Variants in CRABP1 observed in about 807,000 individuals in gnomAD.
CRABP1 encodes the protein cellular retinoic acid-binding protein 1.
A neutral mutation model predicts 16.4 loss-of-function variants in CRABP1; 9 were observed. That is an observed-to-expected ratio of 0.55 (90% CI 0.33 to 0.96). The LOEUF (loss-of-function observed/expected upper bound fraction) is 0.96. Ranked by LOEUF, CRABP1 falls within the 40% of genes least tolerant of loss-of-function variation. The probability of loss-of-function intolerance (pLI) is 0.03; values close to 1 mark genes in which losing one functional copy is unlikely to be tolerated. For missense variants in CRABP1, 157 were observed against 186.0 expected, an observed-to-expected ratio of 0.84 and a Z score of 0.91; for synonymous variants, 72 against 70.4, an observed-to-expected ratio of 1.02 and a Z score of -0.11.
At chr15:78,344,766 A>T (rs1218750116) in intron 3 of CRABP1, among the ~76,000 whole-genome samples, 1 of 147,226 alleles carries the variant, frequency 6.8e-6, no homozygotes, top group South Asian at 2.1e-4. Context: ...AAAAAAAAAA[A>T]ATTAGCTGAG....
intron 3 of CRABP1, among the ~76,000 whole-genome samples, 173 bp downstream of exon 3, chr15:78,343,785 T>C (rs1304814960): frequency 2.0e-5 from 3 of 152,164 alleles, no homozygotes; most frequent in Non-Finnish European, 4.4e-5. Flanking sequence ...GAAATCATTG[T>C]TAAATGGTTG....
At chr15:78,345,136 TGCAGTGTGACCTGA>T (rs1007058175) in intron 3 of CRABP1, among the ~76,000 whole-genome samples, 13 of 152,124 alleles carry the variant, frequency 8.5e-5, no homozygotes, top group Non-Finnish European at 1.8e-4. Flanking sequence ...GGAAAGGACT[TGCAGTGTGACCTGA>T]GCATAGGCCT....
intron 2 of CRABP1, among the ~76,000 whole-genome samples, chr15:78,342,295 AAGAG>A (rs1365255555): frequency 1.3e-5 from 2 of 152,100 alleles, no homozygotes; most frequent in Non-Finnish European, 1.5e-5. Context: ...CTGGGAGTCT[AAGAG>A]AGGAGGCTTG....
chr15:78,347,011 A>C (rs543834011), intron 3 of CRABP1, among the ~76,000 whole-genome samples: 1 of 147,212 alleles, frequency 6.8e-6, no homozygotes, highest in South Asian at 2.2e-4. Context: ...TTTTTTTAAC[A>C]TACATATTGC....
In CRABP1 at chr15:78,348,101, C is replaced by A; in HGVS notation, c.*124C>A. ...CAATATTAGGTGATCCCGTTTTCCC[C>A]ATGACAATGTTGTAGTGTCCCCCAC... On this transcript the variant is annotated 3_prime_UTR_variant, in exon 4 of 4. Transcript: ENST00000299529. The A allele has an allele frequency of 1.1e-6, 1 of 922,822 alleles. No individual in the cohort carries two copies. Among genetic ancestry groups the A allele is most frequent in the East Asian group, 2.4e-5 (1 of 41,236 alleles). The allele number at this position is 922,822 out of a possible 1,614,324, so 57.2% of individuals were successfully genotyped here.
At chr15:78,346,069 A>C (rs2050263519) in intron 3 of CRABP1, among the ~76,000 whole-genome samples, 1 of 152,176 alleles carries the variant, frequency 6.6e-6, no homozygotes, top group African/African-American at 2.4e-5. Context: ...TCATGTCATG[A>C]AGCTATTTGT....
chr15:78,344,749 C>CAACAA (rs2050256024), intron 3 of CRABP1, among the ~76,000 whole-genome samples: 1 of 96,890 alleles, frequency 1.0e-5, no homozygotes, highest in South Asian at 3.7e-4. Flanking sequence ...CCTATCTCTA[C>CAACAA]AAAAAAAAAA....
At chr15:78,345,156 G>A (rs1230676809) in intron 3 of CRABP1, among the ~76,000 whole-genome samples, 1 of 152,166 alleles carries the variant, frequency 6.6e-6, no homozygotes, top group African/African-American at 2.4e-5. Flanking sequence ...CCTGAGCATA[G>A]GCCTTCCCTT....
intron 2 of CRABP1, 90 bp from the exon 3 acceptor site, chr15:78,343,409 G>T (rs1370069249): frequency 3.0e-6 from 3 of 1,003,234 alleles, no homozygotes; most frequent in Non-Finnish European, 4.6e-6. Context: ...TTGATTCTCT[G>T]CAGAGCAATT....
chr15:78,341,294 C>A lies in CRABP1; in HGVS notation c.249+73C>A. 1 of 1,515,634 alleles carries A rather than the reference C, an allele frequency of 6.6e-7. No individual in the cohort carries two copies. Among genetic ancestry groups the A allele is most frequent in the Non-Finnish European group, 9.0e-7 (1 of 1,111,074 alleles). The allele number at this position is 1,515,634 out of a possible 1,614,324, so 93.9% of individuals were successfully genotyped here. On this transcript the variant is annotated intron_variant, in intron 2 of 3. Coordinates refer to ENST00000299529, the MANE Select transcript of CRABP1 (RefSeq NM_004378.3). The surrounding 1 kb of genome is among the most constrained non-coding windows in gnomAD (Gnocchi z 5.3). ...CCATGGCCCACTGCTGCTGGAGGAA[C>A]CTGTGTCTCCCTTTGCAGCCTGTGG...
Position 78,340,403 on chromosome 15 carries a change from T to TTG in CRABP1, c.-26_-25insTG, listed in dbSNP as rs772284141. 3 of 1,574,618 alleles carry TTG rather than the reference T, an allele frequency of 1.9e-6. No homozygotes were observed. The South Asian group carries it at 3.5e-5, about 18-fold the overall frequency. ...GTGCCCGCTGCGCCGCCGCTGTCCG[T>TTG]ACCTGCCGCCGCCGCCACCGCCACC... On this transcript the variant is annotated 5_prime_UTR_variant, in exon 1 of 4. Transcript: ENST00000299529.
At chr15:78,342,267 A>G (rs1436894402) in intron 2 of CRABP1, among the ~76,000 whole-genome samples, 1 of 152,154 alleles carries the variant, frequency 6.6e-6, no homozygotes, top group African/African-American at 2.4e-5. Flanking sequence ...AAAGAGCAGG[A>G]CAGCATAGAG....
intron 3 of CRABP1, among the ~76,000 whole-genome samples, chr15:78,344,551 T>G (rs994948123): frequency 9.2e-5 from 14 of 152,214 alleles, no homozygotes; most frequent in African/African-American, 3.1e-4. Context: ...ACCTCTATAA[T>G]TTAAGCACAC....
In CRABP1 at chr15:78,343,531, C is replaced by T; in HGVS notation, c.282C>T (p.Ile94=). ...CCACTTGGGAGAATGAGAACAAGAT[C>T]CACTGCACGCAAACTCTTCTTGAAG... The part of the protein sequence containing the change: ...SLATWENENK[I]HCTQTLLEGD... The change falls in exon 3 of 4, where the codon ATC becomes ATT. Residue 94 remains isoleucine, a synonymous_variant. Coordinates refer to ENST00000299529, the MANE Select transcript of CRABP1 (RefSeq NM_004378.3). 1.2e-6 allele frequency: 2 copies of T among 1,614,154 alleles called. No individual in the cohort carries two copies. The highest frequency in any genetic ancestry group is 1.7e-6 in the Non-Finnish European group (2 of 1,180,008).
At chr15:78,343,228 GC>G (rs1437618235) in intron 2 of CRABP1, among the ~76,000 whole-genome samples, 4 of 152,148 alleles carry the variant, frequency 2.6e-5, no homozygotes, top group Non-Finnish European at 4.4e-5. Flanking sequence ...TGTAAAGCAT[GC>G]CTAAGGCCTC....
At chr15:78,343,195 G>T (rs2050244589) in intron 2 of CRABP1, among the ~76,000 whole-genome samples, 1 of 152,190 alleles carries the variant, frequency 6.6e-6, no homozygotes, top group Non-Finnish European at 1.5e-5. Context: ...ATCATTTCAT[G>T]CTCTAAATTT....
At chr15:78,347,883 C>T (rs2050275314) in intron 3 of CRABP1, 44 bp from the exon 4 acceptor site, 1 of 1,598,072 alleles carries the variant, frequency 6.3e-7, no homozygotes, top group Admixed American at 1.7e-5. Context: ...CATTTTTGCA[C>T]AGGCATCTGC....
chr15:78,341,051 G>A lies in CRABP1; in HGVS notation c.79G>A (p.Ala27Thr). Residue 27 changes from alanine (A) to threonine (T), a missense_variant, in exon 2 of 4, where the codon GCC (alanine) becomes ACC (threonine). By Grantham distance (58) the Ala-to-Thr change is moderately conservative (BLOSUM62 0). Coordinates refer to ENST00000299529, the MANE Select transcript of CRABP1 (RefSeq NM_004378.3). The surrounding 1 kb of genome is among the most constrained non-coding windows in gnomAD (Gnocchi z 5.3). ...DELLKALGVNAMLRKVAVAAA... is the reference protein window; with the variant it reads ...DELLKALGVNTMLRKVAVAAA... ...TGGTGCACCCTGCGCAGGTGTGAAC[G>A]CCATGCTGAGGAAAGTGGCCGTAGC... 6.8e-6 allele frequency: 11 copies of A among 1,608,284 alleles called. No individual in the cohort carries two copies. Among genetic ancestry groups the A allele is most frequent in the Non-Finnish European group, 9.3e-6 (11 of 1,179,620 alleles).
Position 78,341,025 on chromosome 15 carries a change from G to C in CRABP1, c.71-18G>C. 1 of 1,599,706 alleles carries C rather than the reference G, an allele frequency of 6.3e-7. No individual in the cohort carries two copies. The highest frequency in any genetic ancestry group is 8.5e-7 in the Non-Finnish European group (1 of 1,176,186). On this transcript the variant is annotated intron_variant, in intron 1 of 3. Transcript: ENST00000299529. The surrounding 1 kb of genome is among the most constrained non-coding windows in gnomAD (Gnocchi z 5.3). ...CGGCGAGGCCCCGTGACCCAAGCCT[G>C]TGGTGCACCCTGCGCAGGTGTGAAC...
Sources: gnomAD v4.1 joint callset for allele counts (sites outside exome capture counted in the v4.1 genomes callset) on GRCh38, gnomAD v4.1.1 for gene constraint, Gnocchi (gnomAD v3.1) non-coding constraint, MANE v1.5 for transcripts, NCBI Gene and HGNC (gene_info 2026-07-23, HGNC 2026-07-21) for gene names.